Variants in ITIH6 observed in about 807,000 individuals in gnomAD.
ITIH6 encodes the protein inter-alpha-trypsin inhibitor heavy chain family member 6.
A neutral mutation model predicts 58.2 loss-of-function variants in ITIH6; 60 were observed. The observed-to-expected ratio is 1.03, with a 90% CI of 0.84 to 1.28. ITIH6 has a LOEUF of 1.28. ITIH6 is among the 50% of genes most tolerant of loss of function. The pLI is 0.00. For synonymous variants in ITIH6, 493 were observed against 417.4 expected (o/e 1.18, Z -2.21); for missense variants, 1,290 against 1,021.1 (o/e 1.26, Z -3.59).
intron 5 of ITIH6, among the ~76,000 whole-genome samples, chrX:54,780,780 A>G (rs1490136151): frequency 9.0e-6 from 1 of 111,647 alleles, no homozygotes; most frequent in African/African-American, 3.3e-5. Flanking sequence ...GACTAGTTAA[A>G]AAAAGAGAAG....
intron 6 of ITIH6, among the ~76,000 whole-genome samples, chrX:54,762,652 C>A (rs1383340096): frequency 8.9e-6 from 1 of 112,169 alleles, no homozygotes; most frequent in East Asian, 2.8e-4. Context: ...CCAACCCTGA[C>A]CCCTGCCCTT....
intron 6 of ITIH6, among the ~76,000 whole-genome samples, chrX:54,762,494 C>G (rs1017339865): frequency 9.0e-6 from 1 of 111,704 alleles, no homozygotes; most frequent in Non-Finnish European, 1.9e-5. Context: ...GTCTCACCAG[C>G]CCCTAGAAAA....
chrX:54,759,891 G>C lies in ITIH6; in HGVS notation c.940C>G (p.Gln314Glu). 1 of 1,209,969 alleles carries C rather than the reference G, an allele frequency of 8.3e-7. No individual in the cohort carries two copies. The highest frequency in any genetic ancestry group is 1.1e-6 in the Non-Finnish European group (1 of 893,966). ...TAMNVILSDLQANDYFNIISF... is the reference protein window; with the variant it reads ...TAMNVILSDLEANDYFNIISF... ...ATGATGTTGAAGTAGTCATTGGCTT[G>C]AAGGTCACTGAGGATCACATTCATG... The change falls in exon 7 of 13, where the codon CAA (glutamine) becomes GAA (glutamate). Residue 314 changes from glutamine (Q) to glutamate (E), a missense_variant. By Grantham distance (29) the Gln-to-Glu change is conservative. Coordinates refer to ENST00000218436, the MANE Select transcript of ITIH6 (RefSeq NM_198510.3).
At chrX:54,773,694 T>TAA (rs1170048488) in intron 6 of ITIH6, among the ~76,000 whole-genome samples, 1 of 98,725 alleles carries the variant, frequency 1.0e-5, no homozygotes, top group South Asian at 4.6e-4. Flanking sequence ...GCCTTTAAAG[T>TAA]AAAAAAAAAA....
chrX:54,792,108 G>C, intron 2 of ITIH6, 72 bp from the exon 3 acceptor site: 1 of 716,351 alleles, frequency 1.4e-6, no homozygotes, highest in Non-Finnish European at 2.2e-6. Flanking sequence ...CAGAGAAAGA[G>C]ACACATGAGG....
intron 6 of ITIH6, among the ~76,000 whole-genome samples, chrX:54,766,021 T>G (rs1219510129): frequency 9.0e-6 from 1 of 111,396 alleles, no homozygotes; most frequent in Non-Finnish European, 1.9e-5. Flanking sequence ...TTCCTACCCA[T>G]GAGCATGGAA....
intron 6 of ITIH6, among the ~76,000 whole-genome samples, chrX:54,769,952 G>T (rs1928908574): frequency 9.2e-6 from 1 of 108,770 alleles, no homozygotes; most frequent in East Asian, 2.9e-4. Flanking sequence ...GCAAGCCTGG[G>T]CAATGGCGGG....
chrX:54,785,258 T>C (rs191455047), intron 5 of ITIH6, among the ~76,000 whole-genome samples: 1,206 of 110,098 alleles, frequency 0.011, 27 homozygotes, highest in African/African-American at 0.038. Context: ...GGTTAATGGG[T>C]ACAAAGAAAA....
At chrX:54,778,298 G>A (rs1929090100) in intron 5 of ITIH6, among the ~76,000 whole-genome samples, 1 of 107,535 alleles carries the variant, frequency 9.3e-6, no homozygotes, top group Non-Finnish European at 1.9e-5. Context: ...GGGTTCAAGC[G>A]ATTCTCCCGC....
At chrX:54,789,008 C>T (rs1428948672) in intron 4 of ITIH6, among the ~76,000 whole-genome samples, 2 of 112,570 alleles carry the variant, frequency 1.8e-5, no homozygotes, top group Non-Finnish European at 3.8e-5. Context: ...CAGCAGCCCT[C>T]GCCTCCTCCC....
intron 6 of ITIH6, among the ~76,000 whole-genome samples, chrX:54,771,008 C>G (rs149154492): frequency 0.012 from 1,304 of 111,453 alleles, 15 homozygotes; most frequent in African/African-American, 0.04. Flanking sequence ...TCCTTTAACA[C>G]TTGTAATATT....
intron 4 of ITIH6, among the ~76,000 whole-genome samples, chrX:54,789,073 C>A (rs1380120124): frequency 8.9e-6 from 1 of 112,663 alleles, no homozygotes; most frequent in Non-Finnish European, 1.9e-5. Flanking sequence ...GACACACAGA[C>A]AAGGTCTAGG....
intron 8 of ITIH6, among the ~76,000 whole-genome samples, chrX:54,755,971 G>A (rs148162906): frequency 6.2e-4 from 69 of 111,796 alleles, no homozygotes; most frequent in Non-Finnish European, 1.1e-3. Flanking sequence ...GAGGAAGCAG[G>A]GAAACCAGTG....
chrX:54,774,110 T>G lies in ITIH6; in HGVS notation c.874A>C (p.Ser292Arg). 8.4e-7 allele frequency: 1 copy of G among 1,189,663 alleles called. No homozygotes were observed. The highest frequency in any genetic ancestry group is 1.1e-6 in the Non-Finnish European group (1 of 881,694). Residue 292 changes from serine to arginine, a missense_variant, in exon 6 of 13, where the codon AGC becomes CGC. Transcript: ENST00000218436. Reference sequence around the variant, plus strand: ...TCCATCTTGGTACCAAACATGGAGCTGCTTACGTCAATAACAAAAACCACA... The same window carrying G: ...TCCATCTTGGTACCAAACATGGAGCGGCTTACGTCAATAACAAAAACCACA... ...KNVVFVIDVS[S>R]SMFGTKMEQT...
chrX:54,760,848 T>C (rs1252649751), intron 6 of ITIH6, among the ~76,000 whole-genome samples: 1 of 111,955 alleles, frequency 8.9e-6, no homozygotes, highest in Non-Finnish European at 1.9e-5. Context: ...TGTTGGACAT[T>C]TGGCTTGGTT....
At chrX:54,781,241 T>A (rs138837599) in intron 5 of ITIH6, among the ~76,000 whole-genome samples, 3,006 of 111,373 alleles carry the variant, frequency 0.027, 92 homozygotes, top group African/African-American at 0.094. Context: ...AAGAGACAAG[T>A]GGGATCCAAT....
chrX:54,797,118 G>A, intron 1 of ITIH6, 22 bp from the exon 2 acceptor site: 1 of 1,187,913 alleles, frequency 8.4e-7, no homozygotes, highest in South Asian at 1.8e-5. Flanking sequence ...GACAGGAGGA[G>A]GTGTTTTAGG....
At chrX:54,794,506 C>T (rs1227296907) in intron 2 of ITIH6, among the ~76,000 whole-genome samples, 1 of 110,542 alleles carries the variant, frequency 9.0e-6, no homozygotes, top group East Asian at 2.8e-4. Flanking sequence ...TGATCTTGGT[C>T]CCTTCAAATC....
intron 1 of ITIH6, 130 bp downstream of exon 1, chrX:54,797,979 C>T: frequency 2.1e-6 from 1 of 467,145 alleles, no homozygotes; most frequent in Non-Finnish European, 3.7e-6. Flanking sequence ...CAAATAGTAC[C>T]TCTTTTCTCT....
Sources: gnomAD v4.1 joint callset for allele counts (sites outside exome capture counted in the v4.1 genomes callset) on GRCh38, gnomAD v4.1.1 for gene constraint, MANE v1.5 for transcripts, NCBI Gene and HGNC (gene_info 2026-07-23, HGNC 2026-07-21) for gene names.